INTS6: variants seen among roughly 807,000 people sequenced by gnomAD.
The protein encoded by INTS6 is integrator complex subunit 6, also known as DEAD box protein.
A neutral mutation model predicts 104.9 loss-of-function variants in INTS6; 16 were observed. That is an observed-to-expected ratio of 0.15 (90% CI 0.10 to 0.23). The LOEUF (loss-of-function observed/expected upper bound fraction) is 0.23, where lower values mean the gene tolerates loss of function less well. INTS6 is among the 10% of genes least tolerant of loss of function. The pLI is 1.00. For missense variants in INTS6, 584 were observed against 1,062.8 expected, an observed-to-expected ratio of 0.55 and a Z score of 6.26; for synonymous variants, 324 against 358.7, an observed-to-expected ratio of 0.90 and a Z score of 1.09.
the INTS6 span, among the ~76,000 whole-genome samples, chr13:51,336,832 C>T: frequency 2.0e-5 from 3 of 152,194 alleles, no homozygotes; most frequent in South Asian, 2.1e-4. Context: ...CTCTCCAGCA[C>T]ACCATTCTGA....
chr13:51,414,831 T>TAC (rs1349738238), intron 4 of INTS6, among the ~76,000 whole-genome samples: 12 of 102,850 alleles, frequency 1.2e-4, no homozygotes, highest in Admixed American at 4.1e-4. Flanking sequence ...GTAGTTCTTC[T>TAC]ATACACACAC....
intron 3 of INTS6, chr13:51,449,863 T>C: frequency 1.0e-6 from 1 of 985,368 alleles, no homozygotes; most frequent in Non-Finnish European, 1.2e-6. Flanking sequence ...AGAAAGTACA[T>C]ATTTACCTAA....
chr13:51,382,932 C>T (rs2137919284), intron 9 of INTS6, among the ~76,000 whole-genome samples: 1 of 152,230 alleles, frequency 6.6e-6, no homozygotes, highest in Admixed American at 6.5e-5. Flanking sequence ...AAAAACTTAG[C>T]TAGGCATGAT....
chr13:51,412,104 G>A (rs1370821309), intron 4 of INTS6, among the ~76,000 whole-genome samples: 1 of 152,148 alleles, frequency 6.6e-6, no homozygotes, highest in Non-Finnish European at 1.5e-5. Context: ...AAATTCTAGA[G>A]AAGACAAAAC....
At position 51,430,188 on chromosome 13, in the gene INTS6, A is replaced by G. The variant is rs982983730; in HGVS notation, c.429+106T>C. 7 of 884,376 alleles carry G rather than the reference A, an allele frequency of 7.9e-6. No homozygotes were observed. In the African/African-American group the frequency reaches 1.0e-4, roughly 13 times the overall value. The allele number at this position is 884,376 out of a possible 1,614,324, so 54.8% of individuals were successfully genotyped here. On this transcript the variant is annotated intron_variant, in intron 4 of 17. Transcript: ENST00000311234. ...TAGGAGACAGATGACTCTAAATTGC[A>G]TCAAATAATCAACGAGAGAACCTAT...
chr13:51,444,983 C>A (rs1952879883), intron 3 of INTS6: 2 of 152,000 alleles, frequency 1.3e-5, no homozygotes, highest in Admixed American at 1.3e-4. Context: ...GGAAATAAAT[C>A]ATATCCATTT....
intron 4 of INTS6, among the ~76,000 whole-genome samples, chr13:51,413,366 T>C (rs929024694): frequency 6.6e-6 from 1 of 152,164 alleles, no homozygotes; most frequent in Non-Finnish European, 1.5e-5. Flanking sequence ...AAGTCTTCTC[T>C]AACCCCTGTA....
Position 51,452,848 on chromosome 13 carries a change from G to A in INTS6, c.-323C>T, listed in dbSNP as rs1953096194. ...TCCCGTCCCCGCTCCCGGCCCCTGT[G>A]TGTGTCCCAGCGGGAGACGGGCCTG... On this transcript the variant is annotated 5_prime_UTR_variant, in exon 1 of 18. Transcript: ENST00000311234. This position sits in a 1 kb window ranked among gnomAD's most constrained non-coding sequence, Gnocchi z 4.2. 11 of 1,150,338 alleles carry A rather than the reference G, an allele frequency of 9.6e-6. No individual in the cohort carries two copies. The highest frequency in any genetic ancestry group is 1.7e-5 in the African/African-American group (1 of 59,836). 71.3% of individuals were successfully genotyped at this position (1,150,338 alleles called of 1,614,324 possible). A position where few individuals can be genotyped will look rare whatever the true frequency, so the allele number is the denominator to read the frequency against.
At chr13:51,410,590 C>T (rs986161643) in intron 4 of INTS6, among the ~76,000 whole-genome samples, 4 of 152,132 alleles carry the variant, frequency 2.6e-5, no homozygotes, top group African/African-American at 7.2e-5. Flanking sequence ...AGTAAGGGCA[C>T]AAACTATAAA....
At chr13:51,391,799 AAGTT>A (rs1327642713) in intron 5 of INTS6, among the ~76,000 whole-genome samples, 2 of 152,242 alleles carry the variant, frequency 1.3e-5, no homozygotes, top group Non-Finnish European at 2.9e-5. Context: ...GAGGCTAAGA[AAGTT>A]AAATGTATTT....
intron 4 of INTS6, among the ~76,000 whole-genome samples, chr13:51,420,299 A>AT (rs71192003): frequency 0.033 from 4,775 of 142,828 alleles, 83 homozygotes; most frequent in African/African-American, 0.044. Flanking sequence ...TACATACTTA[A>AT]TTTTTTTTTT....
downstream of INTS6, among the ~76,000 whole-genome samples, chr13:51,360,665 T>C (rs1955559653): frequency 6.6e-6 from 1 of 152,060 alleles, no homozygotes; most frequent in African/African-American, 2.4e-5. Context: ...TTCTAGCCCA[T>C]GAGGCAAATT....
chr13:51,445,606 G>A (rs572949665), intron 3 of INTS6: 53 of 152,324 alleles, frequency 3.5e-4, no homozygotes, highest in Admixed American at 2.2e-3. Context: ...ATAAGAAGTA[G>A]CAGAGGCTCA....
intron 3 of INTS6, among the ~76,000 whole-genome samples, chr13:51,435,264 C>T (rs113817131): frequency 6.6e-6 from 1 of 151,942 alleles, no homozygotes; most frequent in African/African-American, 2.4e-5. Flanking sequence ...ATAAAGAAAT[C>T]CAAACATATC....
chr13:51,421,998 T>C (rs1956904016), intron 4 of INTS6, among the ~76,000 whole-genome samples: 1 of 152,070 alleles, frequency 6.6e-6, no homozygotes, highest in Non-Finnish European at 1.5e-5. Flanking sequence ...TTTATTTAAA[T>C]CTGCTTCAAA....
intron 14 of INTS6, 74 bp from the exon 15 acceptor site, chr13:51,374,513 A>G: frequency 6.6e-7 from 1 of 1,525,204 alleles, no homozygotes; most frequent in Admixed American, 1.7e-5. Context: ...GTCAATTCCA[A>G]TGAAGGTAAC....
At chr13:51,427,640 G>A (rs964525321) in intron 4 of INTS6, among the ~76,000 whole-genome samples, 11 of 152,078 alleles carry the variant, frequency 7.2e-5, no homozygotes, top group Admixed American at 5.2e-4. Flanking sequence ...ACAACTCACC[G>A]GCCTATGTTC....
chr13:51,428,438 C>T (rs1352010078), intron 4 of INTS6, among the ~76,000 whole-genome samples: 2 of 151,454 alleles, frequency 1.3e-5, no homozygotes, highest in East Asian at 1.9e-4. Flanking sequence ...GATTCTCCTG[C>T]CTTAGCCTCC....
chr13:51,441,472 A>G (rs931727855), intron 3 of INTS6: 4 of 152,194 alleles, frequency 2.6e-5, no homozygotes, highest in Admixed American at 1.3e-4. Context: ...ATGGAAATTC[A>G]TAAGTGGATC....
Sources: gnomAD v4.1 joint callset for allele counts (sites outside exome capture counted in the v4.1 genomes callset) on GRCh38, gnomAD v4.1.1 for gene constraint, Gnocchi (gnomAD v3.1) non-coding constraint, MANE v1.5 for transcripts, NCBI Gene and HGNC (gene_info 2026-07-23, HGNC 2026-07-21) for gene names.